Variants in ZNF316 observed in about 807,000 individuals in gnomAD.
ZNF316 encodes the protein zinc finger protein 316.
ZNF316 carries 23 observed loss-of-function variants against 75.6 expected under a neutral mutation model. The ratio of observed to expected loss-of-function variants is 0.30; its 90% CI spans 0.22 to 0.43. The LOEUF is 0.43. Among genes scored for constraint, ZNF316 ranks in the 20% least tolerant of loss-of-function variants. The pLI, the probability that ZNF316 is intolerant of heterozygous loss-of-function variation, is 1.00. For missense variants in ZNF316, 1,266 were observed against 1,409.4 expected (o/e 0.90, Z 1.63); for synonymous variants, 827 against 666.2 (o/e 1.24, Z -3.72).
At position 6,642,435 on chromosome 7, in the gene ZNF316, A is replaced by T. The variant is rs1310355500; in HGVS notation, c.26A>T (p.Asp9Val). 1 of 1,231,472 alleles carries T rather than the reference A, an allele frequency of 8.1e-7. No individual in the cohort carries two copies. Among genetic ancestry groups the T allele is most frequent in the African/African-American group, 1.6e-5 (1 of 64,130 alleles). The allele number at this position is 1,231,472 out of a possible 1,614,324, so 76.3% of individuals were successfully genotyped here. A position where few individuals can be genotyped will look rare whatever the true frequency, so the allele number is the denominator to read the frequency against. MAALHTTP[D>V]SPAAQLERAE... ...ATGGCGGCGCTCCACACGACTCCCG[A>T]CTCCCCAGCTGCCCAGCTGGAGCGG... The change falls in exon 5 of 9, where the codon GAC becomes GTC. Residue 9 changes from aspartate (D) to valine (V), a missense_variant. By Grantham distance (152) the Asp-to-Val change is radical. Coordinates refer to ENST00000382252, the MANE Select transcript of ZNF316 (RefSeq NM_001278559.2). This position sits in a 1 kb window ranked among gnomAD's most constrained non-coding sequence, Gnocchi z 8.1.
At position 6,653,870 on chromosome 7, in the gene ZNF316, C is replaced by G. The variant is rs1447321086; in HGVS notation, c.2274C>G (p.Arg758=). ...PCPECGARFA[R]GSHLAAHVRG... ...CCGAGTGCGGCGCGCGGTTCGCCCG[C>G]GGCTCGCACTTGGCGGCGCACGTGC... Residue 758 remains arginine, a synonymous_variant, in exon 9 of 9, where the codon CGC becomes CGG. Transcript: ENST00000382252. The G allele has an allele frequency of 7.4e-6, 8 of 1,087,418 alleles. No individual in the cohort carries two copies. The Admixed American group carries it at 3.7e-4, about 51-fold the overall frequency. 67.4% of individuals were successfully genotyped at this position (1,087,418 alleles called of 1,614,324 possible).
chr7:6,643,268 G>A (rs1350717633), intron 6 of ZNF316, among the ~76,000 whole-genome samples, 195 bp downstream of exon 6: 1 of 152,210 alleles, frequency 6.6e-6, no homozygotes, highest in Non-Finnish European at 1.5e-5. Context: ...GTGTGGTCCT[G>A]CTTTCCTGGG....
chr7:6,642,482 G>A lies in ZNF316; in HGVS notation c.73G>A (p.Asp25Asn), dbSNP rs765047520. Residue 25 changes from aspartate (D) to asparagine (N), a missense_variant, in exon 5 of 9, where the codon GAC becomes AAC. Physicochemically the swap from Asp to Asn is conservative, Grantham distance 23. Around this residue, in one of 3 missense-constraint regions of ZNF316, gnomAD observed 961 missense variants for 990.9 expected, o/e 0.97. Coordinates refer to ENST00000382252, the MANE Select transcript of ZNF316 (RefSeq NM_001278559.2). The surrounding 1 kb of genome is among the most constrained non-coding windows in gnomAD (Gnocchi z 8.1). ...GCGGGCAGAGGACGGGTCAGAGTGC[G>A]ACCCTGACCAGGAAGAAGAGGAGGA... ...LERAEDGSEC[D>N]PDQEEEEEEE... The A allele has an allele frequency of 3.9e-5, 48 of 1,233,360 alleles. No individual in the cohort carries two copies. The highest frequency in any genetic ancestry group is 3.0e-4 in the Middle Eastern group (1 of 3,362). The allele number at this position is 1,233,360 out of a possible 1,614,324, so 76.4% of individuals were successfully genotyped here.
chr7:6,639,861 G>A lies in ZNF316; in HGVS notation c.-167+720G>A, dbSNP rs759327548. On this transcript the variant is annotated intron_variant, in intron 3 of 8. Coordinates refer to ENST00000382252, the MANE Select transcript of ZNF316 (RefSeq NM_001278559.2). This position sits in a 1 kb window ranked among gnomAD's most constrained non-coding sequence, Gnocchi z 4.2. ...CTCCTGGAGGTGGCTAGCATAACAC[G>A]CAGCACGTGGATTTCGACACTTTGG... is the stretch of plus-strand genomic sequence containing the variant. Among the ~76,000 whole-genome samples, 6 of 152,174 alleles carry A rather than the reference G, an allele frequency of 3.9e-5. No individual in the cohort carries two copies. The highest frequency in any genetic ancestry group is 8.8e-5 in the Non-Finnish European group (6 of 68,026).
In ZNF316 at chr7:6,642,610, G is replaced by T; in HGVS notation, c.201G>T (p.Ala67=). Residue 67 remains alanine, a synonymous_variant, in exon 5 of 9, where the codon GCG becomes GCT. Transcript: ENST00000382252. This position sits in a 1 kb window ranked among gnomAD's most constrained non-coding sequence, Gnocchi z 8.1. ...GTGTGGCAGAGGTAGTGCAGGATGC[G>T]CAGGTGGAGGCGGTGGCCGAGGTGG... is the stretch of plus-strand genomic sequence containing the variant. ...EEGVAEVVQD[A]QVEAVAEVEV... The T allele has an allele frequency of 8.2e-7, 1 of 1,225,110 alleles. No individual in the cohort carries two copies. Among genetic ancestry groups the T allele is most frequent in the Non-Finnish European group, 1.0e-6 (1 of 980,586 alleles). 75.9% of individuals were successfully genotyped at this position (1,225,110 alleles called of 1,614,324 possible).
At chr7:6,648,230 C>T (rs963239905) in intron 8 of ZNF316, among the ~76,000 whole-genome samples, 9 of 152,222 alleles carry the variant, frequency 5.9e-5, no homozygotes, top group Admixed American at 1.3e-4. Context: ...GAGGGTGCCC[C>T]GCCCCTCCTG....
rs1262318007 is a variant in ZNF316 at position 6,642,921 on chromosome 7, T to C, written c.356-43T>C. On this transcript the variant is annotated intron_variant, in intron 5 of 8. Transcript: ENST00000382252. This position sits in a 1 kb window ranked among gnomAD's most constrained non-coding sequence, Gnocchi z 8.1. ...TGCCAGGGCTCCTGGCCCTGCAGGC[T>C]GGGGGCTCAGGGCAGCTGGCCCTAA... 1.6e-6 allele frequency: 2 copies of C among 1,232,112 alleles called. No individual in the cohort carries two copies. Among genetic ancestry groups the C allele is most frequent in the East Asian group, 6.3e-5 (2 of 31,642 alleles). The allele number at this position is 1,232,112 out of a possible 1,614,324, so 76.3% of individuals were successfully genotyped here.
Position 6,653,477 on chromosome 7 carries a change from C to G in ZNF316, c.1881C>G (p.Val627=). The change falls in exon 9 of 9, where the codon GTC becomes GTG. Residue 627 remains valine, a synonymous_variant. Transcript: ENST00000382252. ...GLPDFRERLP[V]DGRPLPAPLG... ...CCGACTTCCGAGAGCGGCTGCCGGT[C>G]GACGGGCGCCCGCTCCCGGCGCCCC... 8.2e-7 allele frequency: 1 copy of G among 1,226,034 alleles called. No homozygotes were observed. 75.9% of individuals were successfully genotyped at this position (1,226,034 alleles called of 1,614,324 possible). A position where few individuals can be genotyped will look rare whatever the true frequency, so the allele number is the denominator to read the frequency against.
rs1779581767 is a variant in ZNF316 at position 6,654,538 on chromosome 7, G to C, written c.2942G>C (p.Gly981Ala). The change falls in exon 9 of 9, where the codon GGC becomes GCC. Residue 981 changes from glycine (G) to alanine (A), a missense_variant. Around this residue, in one of 3 missense-constraint regions of ZNF316, gnomAD observed 111 missense variants for 99.2 expected, o/e 1.12. Coordinates refer to ENST00000382252, the MANE Select transcript of ZNF316 (RefSeq NM_001278559.2). ...RGSALLEFAG[G>A]TSFGSEHQAA... ...AGCGCCCTGCTGGAGTTCGCGGGCGGCACAAGCTTCGGCTCCGAGCACCAG... is the reference window on the plus strand; with the variant it reads ...AGCGCCCTGCTGGAGTTCGCGGGCGCCACAAGCTTCGGCTCCGAGCACCAG... The C allele has an allele frequency of 8.5e-7, 1 of 1,182,164 alleles. No individual in the cohort carries two copies. Among genetic ancestry groups the C allele is most frequent in the Non-Finnish European group, 1.0e-6 (1 of 956,194 alleles). 73.2% of individuals were successfully genotyped at this position (1,182,164 alleles called of 1,614,324 possible).
Position 6,642,438 on chromosome 7 carries a change from C to T in ZNF316, c.29C>T (p.Ser10Phe), listed in dbSNP as rs1779327074. 2 of 1,232,222 alleles carry T rather than the reference C, an allele frequency of 1.6e-6. No homozygotes were observed. The highest frequency in any genetic ancestry group is 2.0e-6 in the Non-Finnish European group (2 of 988,100). 76.3% of individuals were successfully genotyped at this position (1,232,222 alleles called of 1,614,324 possible). A position where few individuals can be genotyped will look rare whatever the true frequency, so the allele number is the denominator to read the frequency against. Residue 10 changes from serine to phenylalanine, a missense_variant, in exon 5 of 9, where the codon TCC becomes TTC. Transcript: ENST00000382252. This position sits in a 1 kb window ranked among gnomAD's most constrained non-coding sequence, Gnocchi z 8.1. MAALHTTPD[S>F]PAAQLERAED... ...GCGGCGCTCCACACGACTCCCGACT[C>T]CCCAGCTGCCCAGCTGGAGCGGGCA...
rs563489173 is a variant in ZNF316 at position 6,645,241 on chromosome 7, C to T, written c.706+648C>T. ...CTGGGGGACGCCACATTGTCAGTTGCGTGGAGGTCCTTAGTGGTGTCTGAG... is the reference window on the plus strand; with the variant it reads ...CTGGGGGACGCCACATTGTCAGTTGTGTGGAGGTCCTTAGTGGTGTCTGAG... On this transcript the variant is annotated intron_variant, in intron 8 of 8. Transcript: ENST00000382252. Among the ~76,000 whole-genome samples, 3 of 152,272 alleles carry T rather than the reference C, an allele frequency of 2.0e-5. No homozygotes were observed. The South Asian group carries it at 6.2e-4, about 32-fold the overall frequency.
At chr7:6,644,393 G>T in intron 7 of ZNF316, 87 bp from the exon 8 acceptor site, 1 of 622,774 alleles carries the variant, frequency 1.6e-6, no homozygotes, top group Non-Finnish European at 2.3e-6. Context: ...GGAGGTGGAG[G>T]GGCACTGAGC....
rs1779603370 is a variant in ZNF316, at chr7:6,655,375, C to A, written c.*764C>A. ...CTCCTCTTCTCTACCCACACTTGCACCGAGGTCACCCCGGCACCCTCCGCA... is the reference window on the plus strand; with the variant it reads ...CTCCTCTTCTCTACCCACACTTGCAACGAGGTCACCCCGGCACCCTCCGCA... On this transcript the variant is annotated 3_prime_UTR_variant, in exon 9 of 9. Transcript: ENST00000382252. 1 of 152,240 alleles carries A rather than the reference C, an allele frequency of 6.6e-6. No homozygotes were observed. Among genetic ancestry groups the A allele is most frequent in the African/African-American group, 2.4e-5 (1 of 41,414 alleles). The allele number at this position is 152,240 out of a possible 1,614,324, so 9.4% of individuals were successfully genotyped here. A position where few individuals can be genotyped will look rare whatever the true frequency, so the allele number is the denominator to read the frequency against.
Position 6,653,199 on chromosome 7 carries a change from C to T in ZNF316, c.1603C>T (p.Pro535Ser), listed in dbSNP as rs1018971908. The change falls in exon 9 of 9, where the codon CCT (proline) becomes TCT (serine). Residue 535 changes from proline (P) to serine (S), a missense_variant. Physicochemically the swap from Pro to Ser is moderately conservative, Grantham distance 74. Coordinates refer to ENST00000382252, the MANE Select transcript of ZNF316 (RefSeq NM_001278559.2). ...AAAAGPEDTD[P>S]GPEGSEVGEA... ...CGCCGCGGGGCCCGAGGACACGGAC[C>T]CTGGGCCAGAGGGATCTGAAGTTGG... 4.9e-6 allele frequency: 6 copies of T among 1,219,518 alleles called. No individual in the cohort carries two copies. Among genetic ancestry groups the T allele is most frequent in the Admixed American group, 4.3e-5 (1 of 23,186 alleles). The allele number at this position is 1,219,518 out of a possible 1,614,324, so 75.5% of individuals were successfully genotyped here. A position where few individuals can be genotyped will look rare whatever the true frequency, so the allele number is the denominator to read the frequency against.
Position 6,642,842 on chromosome 7 carries a change from A to G in ZNF316, c.355+78A>G. On this transcript the variant is annotated intron_variant, in intron 5 of 8. Coordinates refer to ENST00000382252, the MANE Select transcript of ZNF316 (RefSeq NM_001278559.2). The surrounding 1 kb of genome is among the most constrained non-coding windows in gnomAD (Gnocchi z 8.1). ...AGGCCAGGGACCTGGTCAAGCCAGGAGGGCTCTTGGGCCGACAGGGTGGAG... is the reference window on the plus strand; with the variant it reads ...AGGCCAGGGACCTGGTCAAGCCAGGGGGGCTCTTGGGCCGACAGGGTGGAG... 8.1e-7 allele frequency: 1 copy of G among 1,231,972 alleles called. No individual in the cohort carries two copies. Among genetic ancestry groups the G allele is most frequent in the Admixed American group, 4.2e-5 (1 of 23,712 alleles). 76.3% of individuals were successfully genotyped at this position (1,231,972 alleles called of 1,614,324 possible). A position where few individuals can be genotyped will look rare whatever the true frequency, so the allele number is the denominator to read the frequency against.
Position 6,654,641 on chromosome 7 carries a change from G to A in ZNF316, c.*30G>A. The A allele has an allele frequency of 8.5e-7, 1 of 1,175,976 alleles. No individual in the cohort carries two copies. Among genetic ancestry groups the A allele is most frequent in the Non-Finnish European group, 1.1e-6 (1 of 951,700 alleles). The allele number at this position is 1,175,976 out of a possible 1,614,324, so 72.8% of individuals were successfully genotyped here. ...CCCGGGGCCGACAGCAGCGCAGCCT[G>A]CAGGGCCACCGGCCCCTCCCTTGGA... On this transcript the variant is annotated 3_prime_UTR_variant, in exon 9 of 9. Coordinates refer to ENST00000382252, the MANE Select transcript of ZNF316 (RefSeq NM_001278559.2).
chr7:6,639,961 C>T lies in ZNF316; in HGVS notation c.-167+820C>T, dbSNP rs560507720. On this transcript the variant is annotated intron_variant, in intron 3 of 8. Coordinates refer to ENST00000382252, the MANE Select transcript of ZNF316 (RefSeq NM_001278559.2). This position sits in a 1 kb window ranked among gnomAD's most constrained non-coding sequence, Gnocchi z 4.2. ...GGAGAGGCTGGAGGTTGGGGTGGCG[C>T]TCCCAGGCGTAGTTCTGTGACTTGA... Among the ~76,000 whole-genome samples the T allele has an allele frequency of 2.0e-5, 3 of 152,146 alleles. No homozygotes were observed. Among genetic ancestry groups the T allele is most frequent in the Non-Finnish European group, 4.4e-5 (3 of 68,038 alleles).
At chr7:6,643,550 G>A (rs1383716342) in intron 6 of ZNF316, among the ~76,000 whole-genome samples, 2 of 152,220 alleles carry the variant, frequency 1.3e-5, no homozygotes, top group Non-Finnish European at 2.9e-5. Context: ...GAGGGGGACT[G>A]GGGGCGGGGC....
At chr7:6,641,126 G>A (rs146096336) in intron 3 of ZNF316, among the ~76,000 whole-genome samples, 172 of 152,348 alleles carry the variant, frequency 1.1e-3, no homozygotes, top group African/African-American at 4.0e-3. Flanking sequence ...AACACCAGGC[G>A]TGGTGGTCTG....
Sources: allele counts gnomAD v4.1 joint callset (sites outside exome capture counted in the v4.1 genomes callset), GRCh38; gene constraint gnomAD v4.1.1; regional missense constraint gnomAD v4.1.1; non-coding constraint Gnocchi (gnomAD v3.1); transcripts MANE v1.5; gene names NCBI Gene and HGNC (gene_info 2026-07-23, HGNC 2026-07-21).